OPALIN: variants seen among roughly 807,000 people sequenced by gnomAD.
OPALIN encodes transmembrane protein 10.
Under a neutral mutation model 17.8 loss-of-function variants are expected in OPALIN, and 15 were observed. The observed-to-expected ratio is 0.84, with a 90% CI of 0.56 to 1.29. OPALIN has a LOEUF of 1.29. OPALIN is among the 50% of genes most tolerant of loss of function. OPALIN has a pLI of 0.00. For synonymous variants in OPALIN, 62 were observed against 63.8 expected, an observed-to-expected ratio of 0.97 and a Z score of 0.14; for missense variants, 170 against 176.0, an observed-to-expected ratio of 0.97 and a Z score of 0.19.
intron 1 of OPALIN, among the ~76,000 whole-genome samples, chr10:96,358,627 C>T (rs1399728711): frequency 6.6e-6 from 1 of 152,202 alleles, no homozygotes; most frequent in Non-Finnish European, 1.5e-5. Flanking sequence ...TGATTAGATC[C>T]ATTGCTTCAA....
Position 96,343,447 on chromosome 10 carries a change from C to T in OPALIN, c.*2494G>A, listed in dbSNP as rs575381645. Reference sequence around the variant, plus strand: ...GCTTAGTCACATGCATATTTCAATCCAGCCTTACAACCACCCCATGGGCTA... The same window carrying T: ...GCTTAGTCACATGCATATTTCAATCTAGCCTTACAACCACCCCATGGGCTA... On this transcript the variant is annotated 3_prime_UTR_variant, in exon 6 of 6. Transcript: ENST00000371172. 2 of 152,304 alleles carry T rather than the reference C, an allele frequency of 1.3e-5. No homozygotes were observed. Among genetic ancestry groups the T allele is most frequent in the East Asian group, 3.9e-4 (2 of 5,180 alleles). The allele number at this position is 152,304 out of a possible 1,614,324, so 9.4% of individuals were successfully genotyped here. A position where few individuals can be genotyped will look rare whatever the true frequency, so the allele number is the denominator to read the frequency against.
chr10:96,353,443 C>G (rs751181735), intron 2 of OPALIN: 2 of 1,613,266 alleles, frequency 1.2e-6, no homozygotes, highest in Non-Finnish European at 8.5e-7. Flanking sequence ...GCAGGATGAC[C>G]TACCATCCGC....
In OPALIN at chr10:96,348,109, G is replaced by A. The variant is rs1163976389; in HGVS notation, c.249+180C>T. On this transcript the variant is annotated intron_variant, in intron 5 of 5. Transcript: ENST00000371172. ...AATTGATTGTCTAATATTAAAGGGA[G>A]CTTGAATTTCTGTTCAGCCAATAAA... is the stretch of plus-strand genomic sequence containing the variant. Among the ~76,000 whole-genome samples the A allele has an allele frequency of 2.0e-5, 3 of 152,158 alleles. No individual in the cohort carries two copies. The South Asian group carries it at 6.2e-4, about 32-fold the overall frequency.
chr10:96,354,749 AT>A (rs989968908), intron 2 of OPALIN, among the ~76,000 whole-genome samples: 12 of 150,870 alleles, frequency 8.0e-5, no homozygotes, highest in African/African-American at 3.0e-4. Flanking sequence ...AAGTTTTATA[AT>A]GGAAATAAAT....
intron 1 of OPALIN, among the ~76,000 whole-genome samples, chr10:96,358,514 A>G (rs1445520203): frequency 2.6e-5 from 4 of 152,216 alleles, no homozygotes; most frequent in African/African-American, 9.7e-5. Flanking sequence ...TATTTATCAC[A>G]AGTAAACAAG....
At position 96,349,737 on chromosome 10, in the gene OPALIN, G is replaced by C; in HGVS notation, c.162C>G (p.His54Gln). The change falls in exon 4 of 6, where the codon CAC (histidine) becomes CAG (glutamine). Residue 54 changes from histidine to glutamine, a missense_variant. Physicochemically the swap from His to Gln is conservative, Grantham distance 24. Coordinates refer to ENST00000371172, the MANE Select transcript of OPALIN (RefSeq NM_033207.5). Reference sequence around the variant, plus strand: ...TGGCCTCAATGCTGCTTCTTCTTCGGTGAATCAAAGTAAATAGTAAAGCCA... The same window carrying C: ...TGGCCTCAATGCTGCTTCTTCTTCGCTGAATCAAAGTAAATAGTAAAGCCA... The part of the protein sequence containing the change: ...LLVALLFTLI[H>Q]RRRSSIEAME... 6.2e-7 allele frequency: 1 copy of C among 1,613,982 alleles called. No homozygotes were observed. The highest frequency in any genetic ancestry group is 8.5e-7 in the Non-Finnish European group (1 of 1,179,934).
In OPALIN at chr10:96,345,702, A is replaced by C; in HGVS notation, c.*239T>G. 4.9e-6 allele frequency: 2 copies of C among 405,458 alleles called. No homozygotes were observed. Among genetic ancestry groups the C allele is most frequent in the Non-Finnish European group, 8.7e-6 (2 of 229,850 alleles). 25.1% of individuals were successfully genotyped at this position (405,458 alleles called of 1,614,324 possible). A position where few individuals can be genotyped will look rare whatever the true frequency, so the allele number is the denominator to read the frequency against. On this transcript the variant is annotated 3_prime_UTR_variant, in exon 6 of 6. Coordinates refer to ENST00000371172, the MANE Select transcript of OPALIN (RefSeq NM_033207.5). ...AATTCCCACTGGGAGCAGGAATAGG[A>C]TCTAAGGACCCCATCTGGTGAGTCA...
At chr10:96,353,584 A>T (rs1845679030) in intron 2 of OPALIN, 1 of 747,404 alleles carries the variant, frequency 1.3e-6, no homozygotes, top group African/African-American at 1.7e-5. Context: ...GCTGTTAACC[A>T]AGAGAGTACT....
chr10:96,356,562 G>A (rs755566965), intron 1 of OPALIN, among the ~76,000 whole-genome samples: 25 of 152,126 alleles, frequency 1.6e-4, no homozygotes, highest in Non-Finnish European at 5.9e-5. Context: ...ACCCCAACCC[G>A]AAAGATGGTA....
intron 1 of OPALIN, among the ~76,000 whole-genome samples, chr10:96,358,186 T>TAAAA (rs61616596): frequency 0.024 from 1,447 of 61,412 alleles, 94 homozygotes; most frequent in South Asian, 0.066. Context: ...ATGCTTTTTG[T>TAAAA]AAAAAAAAAA....
At chr10:96,349,527 C>T (rs1472059241) in intron 4 of OPALIN, among the ~76,000 whole-genome samples, 180 bp downstream of exon 4, 1 of 152,200 alleles carries the variant, frequency 6.6e-6, no homozygotes, top group Non-Finnish European at 1.5e-5. Context: ...TATGACAAAT[C>T]AGCTCTGTCT....
At chr10:96,349,921 G>T (rs958285972) in intron 3 of OPALIN, 95 bp from the exon 4 acceptor site, 5 of 1,314,920 alleles carry the variant, frequency 3.8e-6, no homozygotes, top group Non-Finnish European at 5.1e-6. Flanking sequence ...CAAAAAATCT[G>T]CATGGATCAT....
At position 96,345,886 on chromosome 10, in the gene OPALIN, C is replaced by G. The variant is rs1306881687; in HGVS notation, c.*55G>C. 1.3e-5 allele frequency: 20 copies of G among 1,563,226 alleles called. No individual in the cohort carries two copies. The highest frequency in any genetic ancestry group is 1.7e-5 in the Non-Finnish European group (19 of 1,147,950). On this transcript the variant is annotated 3_prime_UTR_variant, in exon 6 of 6. Coordinates refer to ENST00000371172, the MANE Select transcript of OPALIN (RefSeq NM_033207.5). ...ATCTTTCCTCTCCAAGTACAAAACC[C>G]TGGGTTTTCAACCCTGTTCCAGTGC... is the stretch of plus-strand genomic sequence containing the variant.
chr10:96,353,252 T>C lies in OPALIN; in HGVS notation c.40-1842A>G, dbSNP rs1016140296. On this transcript the variant is annotated intron_variant, in intron 2 of 5. Transcript: ENST00000371172. ...GTTCAGTATGGACTGAACTGACAAA[T>C]AGACTGAACCTGGCATTTCAGTCCT... Among the ~76,000 whole-genome samples the C allele has an allele frequency of 3.3e-5, 5 of 152,284 alleles. No homozygotes were observed. In the East Asian group the frequency reaches 7.7e-4, roughly 24 times the overall value.
At chr10:96,353,829 C>T (rs1477410596) in intron 2 of OPALIN, among the ~76,000 whole-genome samples, 1 of 152,142 alleles carries the variant, frequency 6.6e-6, no homozygotes, top group Non-Finnish European at 1.5e-5. Flanking sequence ...TTGCCTGAAA[C>T]CAACAGGCAG....
intron 1 of OPALIN, among the ~76,000 whole-genome samples, chr10:96,355,516 A>G (rs1845783673): frequency 6.6e-6 from 1 of 152,134 alleles, no homozygotes; most frequent in South Asian, 2.1e-4. Flanking sequence ...CACCGCCCCC[A>G]ACCAGGTCCT....
Position 96,344,734 on chromosome 10 carries a change from G to T in OPALIN, c.*1207C>A, listed in dbSNP as rs955669686. 1.3e-5 allele frequency: 2 copies of T among 152,066 alleles called. No individual in the cohort carries two copies. Among genetic ancestry groups the T allele is most frequent in the African/African-American group, 2.4e-5 (1 of 41,410 alleles). 9.4% of individuals were successfully genotyped at this position (152,066 alleles called of 1,614,324 possible). A position where few individuals can be genotyped will look rare whatever the true frequency, so the allele number is the denominator to read the frequency against. The stretch of plus-strand genomic sequence containing the variant: ...GAAGCCTTTAAAAAATAAAATAAAA[G>T]AAGTTGTAACTTTAACAACTATCCC... On this transcript the variant is annotated 3_prime_UTR_variant, in exon 6 of 6. Coordinates refer to ENST00000371172, the MANE Select transcript of OPALIN (RefSeq NM_033207.5).
chr10:96,356,829 G>A (rs371807453), intron 1 of OPALIN: 65 of 954,506 alleles, frequency 6.8e-5, no homozygotes, highest in African/African-American at 8.8e-5. Context: ...TAGGACACCC[G>A]CATTTTATAG....
chr10:96,352,584 C>T (rs938257195), intron 2 of OPALIN, among the ~76,000 whole-genome samples: 1 of 151,788 alleles, frequency 6.6e-6, no homozygotes, highest in African/African-American at 2.4e-5. Flanking sequence ...CCTGCATTTC[C>T]CTAAGGTGCT....
Sources: gnomAD v4.1 joint callset for allele counts (sites outside exome capture counted in the v4.1 genomes callset) on GRCh38, gnomAD v4.1.1 for gene constraint, MANE v1.5 for transcripts, NCBI Gene and HGNC (gene_info 2026-07-23, HGNC 2026-07-21) for gene names.